Variants in MTMR9 observed in about 807,000 individuals in gnomAD.
MTMR9 encodes myotubularin-related protein 9.
In MTMR9, 39 loss-of-function variants were observed where a neutral mutation model predicts 69.5. That is an observed-to-expected ratio of 0.56 (90% CI 0.43 to 0.73). The LOEUF is 0.73. MTMR9 is among the 30% of genes least tolerant of loss of function. The pLI, the probability that MTMR9 is intolerant of heterozygous loss-of-function variation, is 0.00. For synonymous variants in MTMR9, 354 were observed against 240.8 expected (o/e 1.47, Z -4.35); for missense variants, 900 against 671.2 (o/e 1.34, Z -3.77).
intron 2 of MTMR9, chr8:11,298,723 C>CG (rs1563270268): frequency 1.0e-5 from 9 of 877,978 alleles, no homozygotes; most frequent in East Asian, 1.3e-4. Flanking sequence ...CCGCTGCACC[C>CG]CCCCCCCGCC....
chr8:11,327,962 C>A lies in MTMR9; in HGVS notation c.*5174C>A, dbSNP rs571085817. On this transcript the variant is annotated 3_prime_UTR_variant, in exon 10 of 10. Transcript: ENST00000221086. ...CTGTAATCATTCACCTTGGGTTGGCCGGTTTGTCAAGCTTGGTTTACTGAA... is the reference window on the plus strand; with the variant it reads ...CTGTAATCATTCACCTTGGGTTGGCAGGTTTGTCAAGCTTGGTTTACTGAA... 2.0e-5 allele frequency: 3 copies of A among 152,158 alleles called. No homozygotes were observed. In the East Asian group the frequency reaches 5.8e-4, roughly 29 times the overall value. 9.4% of individuals were successfully genotyped at this position (152,158 alleles called of 1,614,324 possible).
chr8:11,334,308 AAGAC>A, the MTMR9 span, among the ~76,000 whole-genome samples: 1 of 152,254 alleles, frequency 6.6e-6, no homozygotes, highest in Non-Finnish European at 1.5e-5. Flanking sequence ...AAGGAATCAA[AAGAC>A]AGGCATAAAA....
At chr8:11,335,094 CAG>C in the MTMR9 span, among the ~76,000 whole-genome samples, 1 of 152,222 alleles carries the variant, frequency 6.6e-6, no homozygotes, top group East Asian at 1.9e-4. Flanking sequence ...GAGACAGAAA[CAG>C]AAAAAGTATA....
intron 8 of MTMR9, chr8:11,319,074 A>G (rs1800550185): frequency 6.6e-6 from 1 of 152,142 alleles, no homozygotes; most frequent in Non-Finnish European, 1.5e-5. Flanking sequence ...CTGTTCCCCA[A>G]TAACTTATGG....
chr8:11,295,416 A>G (rs1799520041), intron 2 of MTMR9, 114 bp downstream of exon 2: 3 of 704,332 alleles, frequency 4.3e-6, no homozygotes, highest in East Asian at 2.6e-5. Flanking sequence ...CAAATACTGA[A>G]GACTGATAGG....
intron 2 of MTMR9, among the ~76,000 whole-genome samples, chr8:11,299,309 G>T (rs563508877): frequency 1.4e-4 from 21 of 152,008 alleles, no homozygotes; most frequent in Non-Finnish European, 2.6e-4. Context: ...TGGGTGACAA[G>T]AGCAAAACTC....
chr8:11,288,346 TTATATATATATAA>T (rs1405035570), intron 1 of MTMR9, among the ~76,000 whole-genome samples: 5 of 139,894 alleles, frequency 3.6e-5, no homozygotes, highest in Admixed American at 7.7e-5. Context: ...TATAATATAT[TTATATATATATAA>T]TATATATATA....
the MTMR9 span, among the ~76,000 whole-genome samples, chr8:11,337,095 T>A: frequency 6.6e-6 from 1 of 152,150 alleles, no homozygotes; most frequent in Non-Finnish European, 1.5e-5. Flanking sequence ...TGTCAGAGGC[T>A]ACATACAGCA....
At position 11,295,199 on chromosome 8, in the gene MTMR9, T is replaced by C; in HGVS notation, c.188T>C (p.Val63Ala). Residue 63 changes from valine (V) to alanine (A), a missense_variant, in exon 2 of 10, where the codon GTA becomes GCA. Physicochemically the swap from Val to Ala is moderately conservative, Grantham distance 64. Coordinates refer to ENST00000221086, the MANE Select transcript of MTMR9 (RefSeq NM_015458.4). The part of the protein sequence containing the change: ...SNIDAIDKRF[V>A]GSLGTIIIKC... ...TGATTTGCAATTTCTTACAGATTTG[T>C]AGGATCACTGGGTACCATCATCATA... 1 of 1,582,448 alleles carries C rather than the reference T, an allele frequency of 6.3e-7. No individual in the cohort carries two copies. The highest frequency in any genetic ancestry group is 8.7e-7 in the Non-Finnish European group (1 of 1,154,626).
chr8:11,294,975 GAATTACTTTATATATTTGA>G (rs1399978409), intron 1 of MTMR9, 200 bp from the exon 2 acceptor site: 4 of 310,504 alleles, frequency 1.3e-5, no homozygotes, highest in Non-Finnish European at 1.7e-5. Context: ...AGCTTAATGT[GAATTACTTTATATATTTGA>G]AATTTAAAAA....
chr8:11,309,806 A>C (rs1255607381), intron 6 of MTMR9, 118 bp downstream of exon 6: 13 of 1,008,000 alleles, frequency 1.3e-5, no homozygotes, highest in Non-Finnish European at 1.7e-5. Flanking sequence ...TGTGTAGGCT[A>C]GTCAACACCA....
At chr8:11,299,824 TG>T (rs1039233391) in intron 2 of MTMR9, among the ~76,000 whole-genome samples, 198 bp from the exon 3 acceptor site, 1 of 97,594 alleles carries the variant, frequency 1.0e-5, no homozygotes, top group African/African-American at 4.3e-5. Flanking sequence ...ATGTGGCAGA[TG>T]CCTTTGTTAG....
chr8:11,319,984 T>A (rs1417150952), intron 9 of MTMR9, 146 bp downstream of exon 9: 2 of 683,056 alleles, frequency 2.9e-6, no homozygotes, highest in Admixed American at 3.7e-5. Flanking sequence ...TGTGGGCATG[T>A]TTTTCTCTTT....
chr8:11,284,929 A>G lies in MTMR9; in HGVS notation c.41A>G (p.Asn14Ser), dbSNP rs141460029. The G allele has an allele frequency of 1.0e-3, 1,662 of 1,613,078 alleles. 23 individuals are homozygous for G. Among genetic ancestry groups the G allele is most frequent in the South Asian group, 9.4e-3 (851 of 90,902 alleles). The change falls in exon 1 of 10, where the codon AAT becomes AGT. Residue 14 changes from asparagine to serine, a missense_variant. Transcript: ENST00000221086. ...AELIKTPRVD[N>S]VVLHRPFYPA... ...CTGATTAAGACCCCGCGGGTGGACA[A>G]TGTGGTGCTGCACCGGCCTTTCTAC... is the stretch of plus-strand genomic sequence containing the variant.
At position 11,317,147 on chromosome 8, in the gene MTMR9, C is replaced by T. The variant is rs1352448372; in HGVS notation, c.1334+254C>T. 1.1e-5 allele frequency: 3 copies of T among 271,522 alleles called. No homozygotes were observed. The Admixed American group carries it at 1.5e-4, about 13-fold the overall frequency. 16.8% of individuals were successfully genotyped at this position (271,522 alleles called of 1,614,324 possible). A position where few individuals can be genotyped will look rare whatever the true frequency, so the allele number is the denominator to read the frequency against. On this transcript the variant is annotated intron_variant, in intron 8 of 9. Transcript: ENST00000221086. ...GGGCAACCATTTTAAATGTTAATTT[C>T]TTAACATAGGATCATAGTATCTTAC... is the stretch of plus-strand genomic sequence containing the variant.
chr8:11,317,034 A>G (rs1269773758), intron 8 of MTMR9, 141 bp downstream of exon 8: 3 of 517,846 alleles, frequency 5.8e-6, no homozygotes, highest in African/African-American at 3.9e-5. Flanking sequence ...GTTAATTATA[A>G]TTTAAATGAC....
At chr8:11,317,342 T>G (rs1341443040) in intron 8 of MTMR9, 3 of 152,468 alleles carry the variant, frequency 2.0e-5, no homozygotes, top group Admixed American at 2.0e-4. Flanking sequence ...ACCAGTTTTG[T>G]GGATAACAAC....
chr8:11,303,612 T>C (rs1456549943), intron 3 of MTMR9, among the ~76,000 whole-genome samples: 1 of 152,166 alleles, frequency 6.6e-6, no homozygotes. Flanking sequence ...CAGCTCACTG[T>C]GGCCTCGACT....
rs750784376 is a variant in MTMR9, at chr8:11,285,017, C to T, written c.129C>T (p.Asp43=). The change falls in exon 1 of 10, where the codon GAC becomes GAT. Residue 43 remains aspartate, a synonymous_variant. Transcript: ENST00000221086. Reference sequence around the variant, plus strand: ...ACTTGATCCTGTCCTCCCGGCAGGACAATACGGAGGAGCTGTGGCTCCTCC... The same window carrying T: ...ACTTGATCCTGTCCTCCCGGCAGGATAATACGGAGGAGCTGTGGCTCCTCC... ...GHHLILSSRQ[D]NTEELWLLHS... The T allele has an allele frequency of 5.0e-6, 8 of 1,613,300 alleles. No homozygotes were observed. The highest frequency in any genetic ancestry group is 2.2e-5 in the East Asian group (1 of 44,780).
Sources: allele counts gnomAD v4.1 joint callset (sites outside exome capture counted in the v4.1 genomes callset), GRCh38; gene constraint gnomAD v4.1.1; transcripts MANE v1.5; gene names NCBI Gene and HGNC (gene_info 2026-07-23, HGNC 2026-07-21).